The following NF1 variants were observed in gnomAD, a reference collection of about 807,000 sequenced individuals.
NF1 encodes the protein neurofibromin 1.
In NF1, 122 loss-of-function variants were observed where a neutral mutation model predicts 325.7. That is an observed-to-expected ratio of 0.37 (90% CI 0.32 to 0.44). The LOEUF (loss-of-function observed/expected upper bound fraction) is 0.44. NF1 is among the 20% of genes least tolerant of loss of function. NF1 has a pLI of 1.00. For synonymous variants in NF1, 1,091 were observed against 1,186.0 expected (o/e 0.92, Z 1.65); for missense variants, 2,140 against 3,415.4 (o/e 0.63, Z 9.31).
At position 31,337,535 on chromosome 17, in the gene NF1, T is replaced by C; in HGVS notation, c.6595T>C (p.Leu2199=). The stretch of plus-strand genomic sequence containing the variant: ...CTCCTATGAGAGAGAGACTTTTGCT[T>C]TGACATCCTTGGAAACAGTCACAGA... ...PGSYERETFA[L]TSLETVTEAL... The change falls in exon 43 of 58, where the codon TTG becomes CTG. Residue 2199 remains leucine, a synonymous_variant. Coordinates refer to ENST00000358273, the MANE Select transcript of NF1 (RefSeq NM_001042492.3). The C allele has an allele frequency of 2.5e-6, 4 of 1,614,156 alleles. No homozygotes were observed. The highest frequency in any genetic ancestry group is 3.4e-6 in the Non-Finnish European group (4 of 1,179,988).
At chr17:31,287,354 A>G (rs905091829) in intron 36 of NF1, among the ~76,000 whole-genome samples, 1 of 152,244 alleles carries the variant, frequency 6.6e-6, no homozygotes, top group African/African-American at 2.4e-5. Flanking sequence ...ATTTTTTATC[A>G]GAGGACACAT....
chr17:31,295,812 G>T (rs2068452168), intron 36 of NF1: 1 of 1,614,178 alleles, frequency 6.2e-7, no homozygotes. Flanking sequence ...TTATTAGACA[G>T]GTCCACGATA....
chr17:31,159,130 AT>A (rs1321260114), intron 3 of NF1, 37 bp downstream of exon 3: 1 of 1,408,154 alleles, frequency 7.1e-7, no homozygotes, highest in Non-Finnish European at 1.0e-6. Flanking sequence ...GGCTTTGTGA[AT>A]TTGATCTTGA....
At chr17:31,174,906 C>G (rs1291946056) in intron 5 of NF1, among the ~76,000 whole-genome samples, 1 of 151,852 alleles carries the variant, frequency 6.6e-6, no homozygotes, top group Non-Finnish European at 1.5e-5. Flanking sequence ...GTCAGGAGTT[C>G]GAGACCAGCC....
At chr17:31,236,966 T>C (rs957805303) in intron 29 of NF1, among the ~76,000 whole-genome samples, 9 of 152,236 alleles carry the variant, frequency 5.9e-5, no homozygotes, top group African/African-American at 1.2e-4. Flanking sequence ...GTCTGCCTTA[T>C]AGTGAACATT....
chr17:31,277,152 T>A (rs1218557845), intron 36 of NF1, among the ~76,000 whole-genome samples: 1 of 151,990 alleles, frequency 6.6e-6, no homozygotes, highest in Non-Finnish European at 1.5e-5. Context: ...TCATGTTGAG[T>A]AGGTGGAGGA....
intron 48 of NF1, among the ~76,000 whole-genome samples, chr17:31,346,638 T>G (rs1325229250): frequency 6.6e-6 from 1 of 151,616 alleles, no homozygotes; most frequent in Non-Finnish European, 1.5e-5. Context: ...GTCCCAGGCT[T>G]TCTGGTGTGT....
Position 31,156,920 on chromosome 17 carries a change from A to G in NF1, c.204+794A>G, listed in dbSNP as rs1040195153. 5.3e-5 allele frequency among the ~76,000 whole-genome samples: 8 copies of G among 151,970 alleles called. No homozygotes were observed. In the East Asian group the frequency reaches 1.5e-3, roughly 29 times the overall value. On this transcript the variant is annotated intron_variant, in intron 2 of 57. Coordinates refer to ENST00000358273, the MANE Select transcript of NF1 (RefSeq NM_001042492.3). ...ACTCAGTTCATGGCAACTGATCTGG[A>G]TTTTTCTTGATTAACTCTGAACTCT... is the stretch of plus-strand genomic sequence containing the variant.
chr17:31,178,440 C>T lies in NF1; in HGVS notation c.587-2982C>T, dbSNP rs115595157. On this transcript the variant is annotated intron_variant, in intron 5 of 57. Transcript: ENST00000358273. ...TAACAAATTGTAAAGACCATCTATGCTGTGAAGAAACTGCATCAACTAATG... is the reference window on the plus strand; with the variant it reads ...TAACAAATTGTAAAGACCATCTATGTTGTGAAGAAACTGCATCAACTAATG... Among the ~76,000 whole-genome samples the T allele has an allele frequency of 3.9e-3, 591 of 152,334 alleles. 3 individuals carry two copies. The highest frequency in any genetic ancestry group is 0.014 in the African/African-American group (570 of 41,572).
chr17:31,211,452 A>G (rs1397704360), intron 12 of NF1, among the ~76,000 whole-genome samples: 1 of 152,236 alleles, frequency 6.6e-6, no homozygotes, highest in Non-Finnish European at 1.5e-5. Context: ...AAGAGGTGAC[A>G]TAATTAAACT....
intron 36 of NF1, among the ~76,000 whole-genome samples, chr17:31,292,904 G>A (rs1204854992): frequency 2.0e-5 from 3 of 152,052 alleles, no homozygotes; most frequent in East Asian, 1.9e-4. Context: ...CAGGGCAGGC[G>A]TGGTGGCTCA....
At chr17:31,201,927 A>G (rs2066538055) in intron 11 of NF1, among the ~76,000 whole-genome samples, 1 of 152,216 alleles carries the variant, frequency 6.6e-6, no homozygotes, top group East Asian at 1.9e-4. Flanking sequence ...AAATGATGGG[A>G]CTATATTTGA....
chr17:31,237,999 G>C (rs906331972), intron 29 of NF1, among the ~76,000 whole-genome samples: 1 of 149,980 alleles, frequency 6.7e-6, no homozygotes, highest in Non-Finnish European at 1.5e-5. Flanking sequence ...AGATCCATCA[G>C]AGAATTTAAG....
intron 36 of NF1, chr17:31,296,318 A>G: frequency 6.2e-7 from 1 of 1,613,984 alleles, no homozygotes; most frequent in South Asian, 1.1e-5. Context: ...CATTTTCAAT[A>G]TCTGATATTC....
chr17:31,313,719 AAT>A (rs1170447460), intron 36 of NF1, among the ~76,000 whole-genome samples: 44 of 103,242 alleles, frequency 4.3e-4, no homozygotes, highest in African/African-American at 5.0e-4. Context: ...AAAAAAAAAA[AAT>A]ATGTGTGTGT....
At chr17:31,255,074 A>G (rs1236245940) in intron 31 of NF1, among the ~76,000 whole-genome samples, 4 of 152,218 alleles carry the variant, frequency 2.6e-5, no homozygotes, top group African/African-American at 9.6e-5. Context: ...ATTACAAATA[A>G]CTGTTTATTA....
At chr17:31,345,335 C>T (rs576596667) in intron 48 of NF1, among the ~76,000 whole-genome samples, 3 of 152,288 alleles carry the variant, frequency 2.0e-5, no homozygotes, top group South Asian at 2.1e-4. Context: ...GACTCGGTCC[C>T]GGCGCTGGGC....
intron 36 of NF1, chr17:31,314,301 T>G (rs2151521067): frequency 3.7e-6 from 1 of 268,038 alleles, no homozygotes; most frequent in Middle Eastern, 1.1e-3. Context: ...AATTAAATAT[T>G]TAGGATGGAG....
chr17:31,324,067 G>C (rs112913033), intron 36 of NF1, among the ~76,000 whole-genome samples: 1 of 151,416 alleles, frequency 6.6e-6, no homozygotes, highest in African/African-American at 2.4e-5. Context: ...GATTTTTTTG[G>C]TTTTTTTTGT....
Sources: gnomAD v4.1 joint callset for allele counts (sites outside exome capture counted in the v4.1 genomes callset) on GRCh38, gnomAD v4.1.1 for gene constraint, MANE v1.5 for transcripts, NCBI Gene and HGNC (gene_info 2026-07-23, HGNC 2026-07-21) for gene names.